Variants in MEGF10 observed in about 807,000 individuals in gnomAD.
The protein encoded by MEGF10 is multiple epidermal growth factor-like domains protein 10.
In MEGF10, 86 loss-of-function variants were observed where a neutral mutation model predicts 147.5. The ratio of observed to expected loss-of-function variants is 0.58; its 90% CI spans 0.49 to 0.70. MEGF10 has a LOEUF of 0.70. MEGF10 is among the 30% of genes least tolerant of loss of function. The pLI, the probability that MEGF10 is intolerant of heterozygous loss-of-function variation, is 0.00. For synonymous variants in MEGF10, 478 were observed against 525.5 expected, an observed-to-expected ratio of 0.91 and a Z score of 1.24; for missense variants, 1,329 against 1,487.3, an observed-to-expected ratio of 0.89 and a Z score of 1.75.
intron 8 of MEGF10, among the ~76,000 whole-genome samples, chr5:127,404,707 T>G (rs1389480905): frequency 6.6e-6 from 1 of 151,996 alleles, no homozygotes; most frequent in Admixed American, 6.6e-5. Context: ...TAGGTAAATG[T>G]GTCCCTGGAA....
Position 127,422,520 on chromosome 5 carries a change from A to C in MEGF10, c.1591-150A>C, listed in dbSNP as rs1180339735. ...CAGAGCGAGACTCCATCTCAAAAAA[A>C]AAGAAAAAAATAAATAAAGATACAT... On this transcript the variant is annotated intron_variant, in intron 12 of 24. Coordinates refer to ENST00000503335, the MANE Select transcript of MEGF10 (RefSeq NM_001256545.2). 2.0e-5 allele frequency: 12 copies of C among 613,274 alleles called. No individual in the cohort carries two copies. In the East Asian group the frequency reaches 3.5e-4, roughly 18 times the overall value. The allele number at this position is 613,274 out of a possible 1,614,324, so 38.0% of individuals were successfully genotyped here. A position where few individuals can be genotyped will look rare whatever the true frequency, so the allele number is the denominator to read the frequency against.
intron 5 of MEGF10, among the ~76,000 whole-genome samples, chr5:127,389,620 G>A (rs1473575247): frequency 1.3e-5 from 2 of 152,196 alleles, no homozygotes. Flanking sequence ...GTTCTTTGCA[G>A]GGACATGGAT....
intron 6 of MEGF10, 101 bp downstream of exon 6, chr5:127,396,879 C>T: frequency 1.3e-6 from 2 of 1,513,326 alleles, no homozygotes; most frequent in Admixed American, 1.9e-5. Context: ...TGCATTGCTG[C>T]CTGAAGAGTT....
chr5:127,231,867 G>A, the MEGF10 span, among the ~76,000 whole-genome samples: 3 of 152,206 alleles, frequency 2.0e-5, no homozygotes, highest in Non-Finnish European at 2.9e-5. Flanking sequence ...TGGAAGAAGA[G>A]AGAGAGCCTA....
chr5:127,265,090 C>G, the MEGF10 span, among the ~76,000 whole-genome samples: 5 of 152,128 alleles, frequency 3.3e-5, no homozygotes, highest in Admixed American at 3.3e-4. Flanking sequence ...ACAACAGGCC[C>G]CAGTGTGTGA....
At chr5:127,243,180 A>G in the MEGF10 span, among the ~76,000 whole-genome samples, 8 of 152,160 alleles carry the variant, frequency 5.3e-5, no homozygotes, top group African/African-American at 9.7e-5. Flanking sequence ...CCAGAATAAG[A>G]GAGAACATAT....
chr5:127,392,949 C>G (rs973751612), intron 5 of MEGF10, among the ~76,000 whole-genome samples: 1 of 152,176 alleles, frequency 6.6e-6, no homozygotes. Flanking sequence ...CATCTGAGAG[C>G]CCATTTCCGG....
At chr5:127,303,947 C>G (rs1368150228) in intron 1 of MEGF10, among the ~76,000 whole-genome samples, 1 of 152,200 alleles carries the variant, frequency 6.6e-6, no homozygotes, top group East Asian at 1.9e-4. Context: ...TAGGATAGTA[C>G]CTGGCATATA....
At chr5:127,442,890 G>A (rs1765806135) in intron 18 of MEGF10, 108 bp from the exon 19 acceptor site, 2 of 1,191,334 alleles carry the variant, frequency 1.7e-6, no homozygotes, top group Admixed American at 2.2e-5. Flanking sequence ...AGCCTCAATA[G>A]GAATCCCCTG....
At chr5:127,342,498 G>C (rs567541130) in intron 4 of MEGF10, among the ~76,000 whole-genome samples, 7 of 152,126 alleles carry the variant, frequency 4.6e-5, no homozygotes, top group African/African-American at 1.7e-4. Flanking sequence ...CTCCCTGAAG[G>C]CCTGGCATGT....
intron 1 of MEGF10, among the ~76,000 whole-genome samples, chr5:127,292,115 G>A (rs962695585): frequency 6.6e-6 from 1 of 152,134 alleles, no homozygotes; most frequent in Admixed American, 6.5e-5. Context: ...ATCCAGAAAT[G>A]TCATCTTCCT....
the MEGF10 span, among the ~76,000 whole-genome samples, chr5:127,230,118 C>A: frequency 6.6e-6 from 1 of 152,086 alleles, no homozygotes; most frequent in African/African-American, 2.4e-5. Context: ...CATGTCGTTC[C>A]CCAAGTGTGA....
chr5:127,406,893 C>A (rs774627457), intron 8 of MEGF10, among the ~76,000 whole-genome samples: 34 of 152,174 alleles, frequency 2.2e-4, no homozygotes, highest in Non-Finnish European at 4.0e-4. Context: ...TAGGATCACT[C>A]TGGGCCCTGC....
the MEGF10 span, among the ~76,000 whole-genome samples, chr5:127,239,899 CCTTA>C: frequency 8.5e-5 from 13 of 152,146 alleles, no homozygotes; most frequent in Non-Finnish European, 1.6e-4. Flanking sequence ...TTACCCTCAT[CCTTA>C]CTTCTACCCA....
At chr5:127,359,047 C>A (rs1156946144) in intron 4 of MEGF10, among the ~76,000 whole-genome samples, 1 of 150,298 alleles carries the variant, frequency 6.7e-6, no homozygotes, top group African/African-American at 2.5e-5. Context: ...TATTTCAACA[C>A]AAGCTGTTTT....
the MEGF10 span, among the ~76,000 whole-genome samples, chr5:127,247,410 GAAGA>G: frequency 7.3e-5 from 5 of 68,164 alleles, 1 homozygote; most frequent in African/African-American, 1.6e-4. Flanking sequence ...AGAAGAAGAA[GAAGA>G]AGAAGAAGAA....
chr5:127,310,806 A>T (rs1760257336), intron 1 of MEGF10, among the ~76,000 whole-genome samples: 1 of 152,192 alleles, frequency 6.6e-6, no homozygotes. Context: ...AGGTTTCAGA[A>T]TGTCTGGGGC....
chr5:127,438,536 T>C lies in MEGF10; in HGVS notation c.2202T>C (p.Thr734=), dbSNP rs369586831. The C allele has an allele frequency of 5.0e-6, 8 of 1,614,154 alleles. No homozygotes were observed. The highest frequency in any genetic ancestry group is 6.8e-6 in the Non-Finnish European group (8 of 1,179,988). The change falls in exon 17 of 25, where the codon ACT becomes ACC. Residue 734 remains threonine (T), a synonymous_variant. Coordinates refer to ENST00000503335, the MANE Select transcript of MEGF10 (RefSeq NM_001256545.2). ...CCTACGATGGGGAATGTAAATGCACTCCTGGCTGGACAGGGCTCTACTGCA... is the reference window on the plus strand; with the variant it reads ...CCTACGATGGGGAATGTAAATGCACCCCTGGCTGGACAGGGCTCTACTGCA... ...CSAYDGECKC[T]PGWTGLYCTQ...
At chr5:127,438,960 G>A (rs973830294) in intron 17 of MEGF10, among the ~76,000 whole-genome samples, 1 of 152,184 alleles carries the variant, frequency 6.6e-6, no homozygotes, top group Non-Finnish European at 1.5e-5. Flanking sequence ...TCTTGGAAAA[G>A]GTGGAGTTCC....
Sources: allele counts gnomAD v4.1 joint callset (sites outside exome capture counted in the v4.1 genomes callset), GRCh38; gene constraint gnomAD v4.1.1; transcripts MANE v1.5; gene names NCBI Gene and HGNC (gene_info 2026-07-23, HGNC 2026-07-21).